Variants in MBNL3 observed in about 807,000 individuals in gnomAD.
MBNL3 encodes the protein muscleblind-like protein 3.
Under a neutral mutation model 24.5 loss-of-function variants are expected in MBNL3, and 6 were observed. The ratio of observed to expected loss-of-function variants is 0.25; its 90% CI spans 0.13 to 0.48. MBNL3 has a LOEUF of 0.48. Among genes scored for constraint, MBNL3 ranks in the 20% least tolerant of loss-of-function variants. The pLI is 0.99. For missense variants in MBNL3, 230 were observed against 293.5 expected (o/e 0.78, Z 1.58); for synonymous variants, 100 against 101.7 (o/e 0.98, Z 0.10).
chrX:132,401,610 CAA>C (rs536128391), intron 3 of MBNL3, among the ~76,000 whole-genome samples: 4 of 82,749 alleles, frequency 4.8e-5, no homozygotes, highest in Admixed American at 1.4e-4. Flanking sequence ...TACCGTGTCT[CAA>C]AAAAAAAAAA....
At chrX:132,411,278 G>T (rs1285685545) in intron 2 of MBNL3, 19 of 751,969 alleles carry the variant, frequency 2.5e-5, no homozygotes, top group Admixed American at 8.9e-5. Flanking sequence ...CAGATAACAA[G>T]TTTGAATAGG....
intron 2 of MBNL3, among the ~76,000 whole-genome samples, chrX:132,423,523 A>T (rs1944016525): frequency 9.0e-6 from 1 of 111,678 alleles, no homozygotes; most frequent in African/African-American, 3.3e-5. Flanking sequence ...TTTAATGCTG[A>T]CCACAGCATT....
intron 1 of MBNL3, among the ~76,000 whole-genome samples, chrX:132,441,707 T>C (rs772656175): frequency 4.5e-5 from 5 of 111,923 alleles, no homozygotes; most frequent in Non-Finnish European, 9.4e-5. Flanking sequence ...GCAGTTGCTA[T>C]GGCAAACTGT....
At chrX:132,425,400 C>A (rs190906348) in intron 2 of MBNL3, among the ~76,000 whole-genome samples, 25 of 111,825 alleles carry the variant, frequency 2.2e-4, no homozygotes, top group African/African-American at 8.1e-4. Flanking sequence ...TTTCCTATTT[C>A]TTTTAAAAGC....
At chrX:132,411,489 CTTTATCT>C (rs1452396808) in intron 2 of MBNL3, 10 of 705,336 alleles carry the variant, frequency 1.4e-5, no homozygotes, top group Middle Eastern at 8.0e-4. Flanking sequence ...TCTTGTGCAC[CTTTATCT>C]TACAGAGAAT....
At chrX:132,472,036 G>T (rs1187217339) in intron 1 of MBNL3, among the ~76,000 whole-genome samples, 1 of 112,265 alleles carries the variant, frequency 8.9e-6, no homozygotes, top group Non-Finnish European at 1.9e-5. Context: ...CACACAACTG[G>T]TATACTGAAC....
chrX:132,474,748 C>G (rs1276048733), intron 1 of MBNL3, among the ~76,000 whole-genome samples: 1 of 111,261 alleles, frequency 9.0e-6, no homozygotes, highest in Non-Finnish European at 1.9e-5. Flanking sequence ...AATAAGAAAA[C>G]CCTTCCTTCC....
At chrX:132,404,005 C>T (rs1022193674) in intron 3 of MBNL3, among the ~76,000 whole-genome samples, 1 of 110,542 alleles carries the variant, frequency 9.0e-6, no homozygotes, top group African/African-American at 3.3e-5. Flanking sequence ...CCCCCATCCC[C>T]TCCCACCCAC....
At chrX:132,412,031 C>G (rs1351900647) in intron 2 of MBNL3, among the ~76,000 whole-genome samples, 1 of 111,879 alleles carries the variant, frequency 8.9e-6, no homozygotes, top group Non-Finnish European at 1.9e-5. Context: ...CCCTGGTTGT[C>G]TGTTCCAAAT....
At chrX:132,475,411 C>T (rs1269691677) in intron 1 of MBNL3, among the ~76,000 whole-genome samples, 1 of 111,949 alleles carries the variant, frequency 8.9e-6, no homozygotes, top group African/African-American at 3.3e-5. Flanking sequence ...TGAAGCAAGA[C>T]AGAGAAGAAA....
At chrX:132,464,471 T>A in intron 1 of MBNL3, among the ~76,000 whole-genome samples, 1 of 112,009 alleles carries the variant, frequency 8.9e-6, no homozygotes, top group South Asian at 3.7e-4. Context: ...TCCTCACAAT[T>A]GCAAAGGTTG....
chrX:132,413,355 A>T, intron 2 of MBNL3: 1 of 491,777 alleles, frequency 2.0e-6, no homozygotes, highest in Non-Finnish European at 3.2e-6. Context: ...ACAGTGAAAA[A>T]AAATTTTTTA....
rs192360114 is a variant in MBNL3, at chrX:132,389,505, G to C, written c.771+1342C>G. ...TTAATAGGGATGTTTGAAAATAAGT[G>C]TCTCTCTGTTGTGAATAGGCAAAGT... On this transcript the variant is annotated intron_variant, in intron 5 of 8. Coordinates refer to ENST00000370853, the MANE Select transcript of MBNL3 (RefSeq NM_001386889.1). Among the ~76,000 whole-genome samples, 27 of 111,799 alleles carry C rather than the reference G, an allele frequency of 2.4e-4. No individual in the cohort carries two copies. The East Asian group carries it at 7.4e-3, about 31-fold the overall frequency.
chrX:132,393,271 C>CATAGA (rs1332304390), intron 3 of MBNL3, among the ~76,000 whole-genome samples: 1 of 109,630 alleles, frequency 9.1e-6, no homozygotes, highest in African/African-American at 3.3e-5. Flanking sequence ...AGATGATATT[C>CATAGA]ATAGTTCAAA....
intron 1 of MBNL3, among the ~76,000 whole-genome samples, chrX:132,444,979 C>T (rs758619397): frequency 1.8e-5 from 2 of 111,653 alleles, no homozygotes; most frequent in South Asian, 7.6e-4. Context: ...CTTTCCTTGT[C>T]TCCTACTTTC....
At chrX:132,388,772 T>C (rs1396402705) in intron 5 of MBNL3, among the ~76,000 whole-genome samples, 1 of 111,073 alleles carries the variant, frequency 9.0e-6, no homozygotes, top group African/African-American at 3.3e-5. Context: ...CTGCTTTCTG[T>C]GAACTCAACC....
At chrX:132,410,752 T>A (rs1378168518) in intron 2 of MBNL3, among the ~76,000 whole-genome samples, 1 of 112,401 alleles carries the variant, frequency 8.9e-6, no homozygotes, top group Non-Finnish European at 1.9e-5. Flanking sequence ...GAAGTAACAG[T>A]GATTTCAGAA....
At chrX:132,389,898 A>C (rs1232650662) in intron 5 of MBNL3, among the ~76,000 whole-genome samples, 1 of 110,808 alleles carries the variant, frequency 9.0e-6, no homozygotes, top group African/African-American at 3.3e-5. Flanking sequence ...GCAACTTAAA[A>C]GTCAGGACTC....
intron 2 of MBNL3, among the ~76,000 whole-genome samples, chrX:132,421,191 G>A (rs1943783941): frequency 8.9e-6 from 1 of 111,842 alleles, no homozygotes; most frequent in Admixed American, 9.5e-5. Flanking sequence ...TGTTTTGCAA[G>A]TAAAATCAGT....
Sources: allele counts gnomAD v4.1 joint callset (sites outside exome capture counted in the v4.1 genomes callset), GRCh38; gene constraint gnomAD v4.1.1; transcripts MANE v1.5; gene names NCBI Gene and HGNC (gene_info 2026-07-23, HGNC 2026-07-21).